The following PLPPR5 variants were observed in gnomAD, a reference collection of about 807,000 sequenced individuals.
PLPPR5 encodes phospholipid phosphatase-related protein type 5.
In PLPPR5, 16 loss-of-function variants were observed where a neutral mutation model predicts 33.9. That is an observed-to-expected ratio of 0.47 (90% CI 0.32 to 0.72). The LOEUF (loss-of-function observed/expected upper bound fraction) is 0.72. Ranked by LOEUF, PLPPR5 falls within the 30% of genes least tolerant of loss-of-function variation. The pLI is 0.03. For missense variants in PLPPR5, 301 were observed against 406.7 expected (o/e 0.74, Z 2.23); for synonymous variants, 163 against 150.3 (o/e 1.08, Z -0.62).
intron 5 of PLPPR5, among the ~76,000 whole-genome samples, chr1:98,894,996 G>A (rs111982156): frequency 1.3e-5 from 2 of 151,940 alleles, no homozygotes; most frequent in Admixed American, 1.3e-4. Context: ...CATGTGGAAG[G>A]GGGAAAAGGG....
intron 1 of PLPPR5, among the ~76,000 whole-genome samples, chr1:99,003,670 A>G (rs537470668): frequency 6.6e-6 from 1 of 152,310 alleles, no homozygotes; most frequent in Non-Finnish European, 1.5e-5. Flanking sequence ...GTGTATCTGT[A>G]TAGTCATTCT....
At chr1:98,916,145 T>C (rs918487087) in intron 4 of PLPPR5, among the ~76,000 whole-genome samples, 1 of 152,200 alleles carries the variant, frequency 6.6e-6, no homozygotes, top group African/African-American at 2.4e-5. Context: ...AATTAGATCT[T>C]GGTTGCTTTC....
chr1:98,961,521 A>T (rs1169356140), intron 1 of PLPPR5, among the ~76,000 whole-genome samples: 6 of 152,234 alleles, frequency 3.9e-5, no homozygotes, highest in Non-Finnish European at 8.8e-5. Flanking sequence ...CATTAACAAT[A>T]GCAATGTCGC....
chr1:98,958,472 T>C (rs1651103736), intron 1 of PLPPR5, among the ~76,000 whole-genome samples: 1 of 152,132 alleles, frequency 6.6e-6, no homozygotes, highest in Non-Finnish European at 1.5e-5. Context: ...TGGAACTAAA[T>C]TAAAAGAGAC....
chr1:98,977,917 T>C (rs1651918226), intron 1 of PLPPR5, among the ~76,000 whole-genome samples: 1 of 151,878 alleles, frequency 6.6e-6, no homozygotes, highest in African/African-American at 2.4e-5. Flanking sequence ...AATAATGGCA[T>C]GGTAGAATAT....
intron 1 of PLPPR5, among the ~76,000 whole-genome samples, chr1:98,960,854 T>C (rs1442505765): frequency 3.9e-5 from 6 of 152,126 alleles, no homozygotes; most frequent in African/African-American, 1.4e-4. Context: ...CTGGATCCAA[T>C]ACTGTATCCA....
chr1:98,915,171 G>A (rs947157618), intron 4 of PLPPR5, among the ~76,000 whole-genome samples: 5 of 152,050 alleles, frequency 3.3e-5, no homozygotes, highest in African/African-American at 1.2e-4. Flanking sequence ...ACTTAATTAT[G>A]ACAATTTTAT....
intron 3 of PLPPR5, 131 bp downstream of exon 3, chr1:98,952,939 G>A: frequency 1.8e-6 from 2 of 1,104,658 alleles, no homozygotes; most frequent in East Asian, 2.6e-5. Flanking sequence ...ATTAAAAATA[G>A]ATTAAATGGC....
At chr1:98,964,102 A>G (rs375559694) in intron 1 of PLPPR5, among the ~76,000 whole-genome samples, 9 of 152,320 alleles carry the variant, frequency 5.9e-5, no homozygotes, top group African/African-American at 7.2e-5. Context: ...GGCAACGAGC[A>G]TAACTGGTTT....
At position 98,956,698 on chromosome 1, in the gene PLPPR5, G is replaced by C. The variant is rs1651015261; in HGVS notation, c.281C>G (p.Thr94Arg). The part of the protein sequence containing the change: ...ETAVFCLQLA[T>R]RDFENQEKTI... ...TTTTTCCTGGTTTTCAAAATCCCTT[G>C]TGGCTAGTTGTAGGCAAAAGACAGC... The change falls in exon 2 of 6, where the codon ACA (threonine) becomes AGA (arginine). Residue 94 changes from threonine (T) to arginine (R), a missense_variant. By Grantham distance (71) the Thr-to-Arg change is moderately conservative (BLOSUM62 -1). Coordinates refer to ENST00000263177, the MANE Select transcript of PLPPR5 (RefSeq NM_001037317.2). The C allele has an allele frequency of 6.3e-7, 1 of 1,595,030 alleles. No homozygotes were observed. Among genetic ancestry groups the C allele is most frequent in the African/African-American group, 1.4e-5 (1 of 73,922 alleles).
chr1:98,956,722 G>T lies in PLPPR5; in HGVS notation c.257C>A (p.Ala86Asp). 6.4e-7 allele frequency: 1 copy of T among 1,569,968 alleles called. No homozygotes were observed. ...PVLVIIVGET[A>D]VFCLQLATRD... Reference sequence around the variant, plus strand: ...TGTGGCTAGTTGTAGGCAAAAGACAGCAGTTTCTCCAACTATTATCTTGAA... The same window carrying T: ...TGTGGCTAGTTGTAGGCAAAAGACATCAGTTTCTCCAACTATTATCTTGAA... The change falls in exon 2 of 6, where the codon GCT (alanine) becomes GAT (aspartate). Residue 86 changes from alanine to aspartate, a missense_variant. Transcript: ENST00000263177.
intron 1 of PLPPR5, among the ~76,000 whole-genome samples, chr1:99,001,299 T>C (rs947277530): frequency 6.6e-6 from 1 of 151,964 alleles, no homozygotes; most frequent in Non-Finnish European, 1.5e-5. Flanking sequence ...CATGCTGGGC[T>C]AATTTTTTGT....
Position 99,004,517 on chromosome 1 carries a change from T to C in PLPPR5, c.155A>G (p.Lys52Arg). Residue 52 changes from lysine to arginine, a missense_variant, in exon 1 of 6, where the codon AAA (lysine) becomes AGA (arginine). By Grantham distance (26) the Lys-to-Arg change is conservative (BLOSUM62 2). Coordinates refer to ENST00000263177, the MANE Select transcript of PLPPR5 (RefSeq NM_001037317.2). ...GCTGTCCTCCGGGCCCGGGTAGGGT[T>C]TGCGGTAGGCGCTGTCGTGGCAGAA... Reference protein sequence around the residue: ...GFFCHDSAYRKPYPGPEDSSA... With the variant: ...GFFCHDSAYRRPYPGPEDSSA... 1 of 1,613,154 alleles carries C rather than the reference T, an allele frequency of 6.2e-7. No homozygotes were observed. The highest frequency in any genetic ancestry group is 8.5e-7 in the Non-Finnish European group (1 of 1,179,832).
At chr1:98,896,610 G>A (rs986969457) in intron 5 of PLPPR5, among the ~76,000 whole-genome samples, 3 of 152,036 alleles carry the variant, frequency 2.0e-5, no homozygotes, top group African/African-American at 7.2e-5. Flanking sequence ...CCATTAGAAA[G>A]TGTTCACTCA....
intron 4 of PLPPR5, among the ~76,000 whole-genome samples, chr1:98,917,188 C>A (rs1649388729): frequency 6.6e-6 from 1 of 152,152 alleles, no homozygotes; most frequent in African/African-American, 2.4e-5. Context: ...ATTCACAAGG[C>A]TAAAAACTTG....
chr1:98,950,280 AAAT>A (rs1324879896), intron 3 of PLPPR5, among the ~76,000 whole-genome samples: 2 of 152,222 alleles, frequency 1.3e-5, no homozygotes, highest in African/African-American at 2.4e-5. Flanking sequence ...ATTATTAAAT[AAAT>A]AATAATGATA....
chr1:98,907,666 A>T (rs1373622587), intron 5 of PLPPR5, among the ~76,000 whole-genome samples: 1 of 152,196 alleles, frequency 6.6e-6, no homozygotes, highest in Non-Finnish European at 1.5e-5. Context: ...TTCATCAGTT[A>T]TCTCTTAATG....
chr1:98,898,003 AT>A (rs779676300), intron 5 of PLPPR5, among the ~76,000 whole-genome samples: 1 of 152,158 alleles, frequency 6.6e-6, no homozygotes, highest in Non-Finnish European at 1.5e-5. Context: ...ATTGGTTAGA[AT>A]TTTACAAATA....
Position 98,963,042 on chromosome 1 carries a change from A to G in PLPPR5, c.238-6301T>C, listed in dbSNP as rs145441345. Among the ~76,000 whole-genome samples the G allele has an allele frequency of 1.4e-3, 220 of 152,262 alleles. 4 individuals carry two copies. The highest frequency in any genetic ancestry group is 5.0e-3 in the African/African-American group (207 of 41,550). On this transcript the variant is annotated intron_variant, in intron 1 of 5. Coordinates refer to ENST00000263177, the MANE Select transcript of PLPPR5 (RefSeq NM_001037317.2). ...ATCATTTACTGCTGAGCCTAAACCT[A>G]TCTTTTACAGCTTCAGCAATTCCTA...
Sources: allele counts gnomAD v4.1 joint callset (sites outside exome capture counted in the v4.1 genomes callset), GRCh38; gene constraint gnomAD v4.1.1; transcripts MANE v1.5; gene names NCBI Gene and HGNC (gene_info 2026-07-23, HGNC 2026-07-21).